The following PHKB variants were observed in gnomAD, a reference collection of about 807,000 sequenced individuals.
PHKB encodes the protein phosphorylase b kinase regulatory subunit beta.
Under a neutral mutation model 152.1 loss-of-function variants are expected in PHKB, and 122 were observed. The observed-to-expected ratio is 0.80, with a 90% confidence interval of 0.69 to 0.93. The LOEUF (loss-of-function observed/expected upper bound fraction) is 0.93, where lower values mean the gene tolerates loss of function less well. Ranked by LOEUF, PHKB falls within the 40% of genes least tolerant of loss-of-function variation. The pLI is 0.00. For synonymous variants in PHKB, 436 were observed against 464.9 expected, an observed-to-expected ratio of 0.94 and a Z score of 0.80; for missense variants, 1,304 against 1,328.4, an observed-to-expected ratio of 0.98 and a Z score of 0.29.
At chr16:47,663,097 G>A (rs1051810126) in intron 23 of PHKB, among the ~76,000 whole-genome samples, 1 of 152,074 alleles carries the variant, frequency 6.6e-6, no homozygotes, top group Non-Finnish European at 1.5e-5. Context: ...AAAGTTTAGA[G>A]TAAAATGTTA....
chr16:47,562,895 A>G (rs1477317983), intron 7 of PHKB, among the ~76,000 whole-genome samples: 1 of 152,180 alleles, frequency 6.6e-6, no homozygotes, highest in African/African-American at 2.4e-5. Flanking sequence ...TAAGTATGTG[A>G]AGCATTCTAA....
intron 14 of PHKB, among the ~76,000 whole-genome samples, chr16:47,634,746 G>A (rs1406563173): frequency 1.2e-4 from 19 of 152,206 alleles, no homozygotes; most frequent in Admixed American, 1.2e-3. Context: ...GGGACAGAGA[G>A]GACCCAGGGT....
chr16:47,660,446 G>A (rs947481157), intron 20 of PHKB, 60 bp from the exon 21 acceptor site: 11 of 1,304,976 alleles, frequency 8.4e-6, no homozygotes, highest in African/African-American at 5.8e-5. Flanking sequence ...ATGCACACAG[G>A]CCATTAGAGT....
intron 26 of PHKB, among the ~76,000 whole-genome samples, chr16:47,683,064 G>A (rs557623280): frequency 6.6e-6 from 1 of 152,310 alleles, no homozygotes; most frequent in South Asian, 2.1e-4. Context: ...CAGCAGCAGT[G>A]GCTGTAGAAC....
At chr16:47,558,919 A>G (rs902306936) in intron 7 of PHKB, among the ~76,000 whole-genome samples, 2 of 152,192 alleles carry the variant, frequency 1.3e-5, no homozygotes, top group South Asian at 2.1e-4. Flanking sequence ...TTTTTATACC[A>G]TTAAAGACAG....
chr16:47,464,111 C>G (rs1969625273), intron 1 of PHKB: 1 of 754,182 alleles, frequency 1.3e-6, no homozygotes, highest in Non-Finnish European at 2.4e-6. Flanking sequence ...GGGCCCAGGC[C>G]TGAGTACCCG....
At chr16:47,670,767 G>C (rs186728075) in intron 26 of PHKB, among the ~76,000 whole-genome samples, 1 of 152,090 alleles carries the variant, frequency 6.6e-6, no homozygotes, top group Non-Finnish European at 1.5e-5. Flanking sequence ...TGGGATTACA[G>C]GTGTGAGCCA....
chr16:47,684,640 G>A (rs538280854), intron 26 of PHKB, among the ~76,000 whole-genome samples: 66 of 152,232 alleles, frequency 4.3e-4, no homozygotes, highest in South Asian at 8.3e-4. Context: ...AGTAGCGGGC[G>A]CCTGTAGTCC....
At chr16:47,484,902 AT>A (rs1970024031) in intron 1 of PHKB, among the ~76,000 whole-genome samples, 1 of 152,220 alleles carries the variant, frequency 6.6e-6, no homozygotes, top group Non-Finnish European at 1.5e-5. Flanking sequence ...ACTATAAAGA[AT>A]AAAAATCACA....
In PHKB at chr16:47,476,340, C is replaced by A. The variant is rs534351528; in HGVS notation, c.76+14914C>A. ...TTGTGGAATCTTTTTATATAAATTT[C>A]TTTCTGTGCCCATTCAGAGATCCTC... is the stretch of plus-strand genomic sequence containing the variant. On this transcript the variant is annotated intron_variant, in intron 1 of 30. Transcript: ENST00000323584. Among the ~76,000 whole-genome samples the A allele has an allele frequency of 1.1e-4, 16 of 152,152 alleles. No homozygotes were observed. The East Asian group carries it at 3.1e-3, about 29-fold the overall frequency.
chr16:47,587,594 TCA>T, intron 8 of PHKB, 72 bp from the exon 9 acceptor site: 2 of 1,080,098 alleles, frequency 1.9e-6, no homozygotes, highest in Non-Finnish European at 2.8e-6. Context: ...TGTGAAGTTT[TCA>T]CAGTCAAAAT....
chr16:47,644,007 T>C (rs1399112269), intron 16 of PHKB, among the ~76,000 whole-genome samples: 2 of 152,124 alleles, frequency 1.3e-5, no homozygotes, highest in Non-Finnish European at 2.9e-5. Context: ...GGGGCAGTGT[T>C]ATATGCACCC....
chr16:47,691,002 T>G (rs1974050263), intron 27 of PHKB, among the ~76,000 whole-genome samples: 1 of 152,098 alleles, frequency 6.6e-6, no homozygotes, highest in African/African-American at 2.4e-5. Context: ...GGAGCGTCCT[T>G]TGAGTCCACG....
chr16:47,593,548 A>C lies in PHKB; in HGVS notation c.1117A>C (p.Met373Leu), dbSNP rs1972067736. 6.7e-7 allele frequency: 1 copy of C among 1,491,894 alleles called. No individual in the cohort carries two copies. The highest frequency in any genetic ancestry group is 1.4e-5 in the African/African-American group (1 of 72,490). 92.4% of individuals were successfully genotyped at this position (1,491,894 alleles called of 1,614,324 possible). Residue 373 changes from methionine to leucine, a missense_variant, in exon 11 of 31, where the codon ATG becomes CTG. Physicochemically the swap from Met to Leu is conservative, Grantham distance 15. Coordinates refer to ENST00000323584, the MANE Select transcript of PHKB (RefSeq NM_000293.3). ...CEFPIFFLYM[M>L]IDGVFRGNPK... ...ATTTCCCATATTTTTCCTTTATATG[A>C]TGATTGATGGTAAGTAAGCTTTTTC...
Position 47,641,053 on chromosome 16 carries a change from T to G in PHKB, c.1477T>G (p.Leu493Val), listed in dbSNP as rs1973010132. The change falls in exon 15 of 31, where the codon TTG becomes GTG. Residue 493 changes from leucine (L) to valine (V), a missense_variant. Leu to Val is a conservative substitution (Grantham distance 32, BLOSUM62 1). Transcript: ENST00000323584. ...FSNQGPLEND[L>V]VVHVALIAES... is the part of the protein sequence containing the mutation. The stretch of plus-strand genomic sequence containing the variant: ...ATTACAGGGCCCACTGGAAAATGAC[T>G]TGGTAGTTCATGTGGCACTTATAGC... 3 of 1,613,968 alleles carry G rather than the reference T, an allele frequency of 1.9e-6. No homozygotes were observed. The African/African-American group carries it at 4.0e-5, about 22-fold the overall frequency.
At position 47,461,376 on chromosome 16, in the gene PHKB, C is replaced by T. The variant is rs201500282; in HGVS notation, c.26C>T (p.Ala9Val). 408 of 1,612,414 alleles carry T rather than the reference C, an allele frequency of 2.5e-4. No individual in the cohort carries two copies. The highest frequency in any genetic ancestry group is 3.4e-4 in the Non-Finnish European group (399 of 1,179,702). MAGAAGLT[A>V]EVSWKVLERR... ...ATGGCGGGGGCGGCGGGACTCACGG[C>T]AGAAGTGAGCTGGAAGGTCTTGGAG... is the stretch of plus-strand genomic sequence containing the variant. The change falls in exon 1 of 31, where the codon GCA (alanine) becomes GTA (valine). Residue 9 changes from alanine (A) to valine (V), a missense_variant. Physicochemically the swap from Ala to Val is moderately conservative, Grantham distance 64. Coordinates refer to ENST00000323584, the MANE Select transcript of PHKB (RefSeq NM_000293.3).
At chr16:47,621,550 T>C (rs895325147) in intron 14 of PHKB, among the ~76,000 whole-genome samples, 3 of 152,186 alleles carry the variant, frequency 2.0e-5, no homozygotes, top group Admixed American at 2.0e-4. Flanking sequence ...TCTCAAATAG[T>C]TTAACCAGTT....
At chr16:47,587,522 T>TACAA (rs1971954735) in intron 8 of PHKB, 146 bp from the exon 9 acceptor site, 2 of 630,888 alleles carry the variant, frequency 3.2e-6, no homozygotes, top group Admixed American at 5.3e-5. Context: ...ATATTGAAAG[T>TACAA]ACAAACAAAA....
chr16:47,514,751 C>T, intron 5 of PHKB, among the ~76,000 whole-genome samples: 1 of 152,316 alleles, frequency 6.6e-6, no homozygotes, highest in African/African-American at 2.4e-5. Flanking sequence ...TGGCACGTAC[C>T]TTTCCTGCTT....
Sources: gnomAD v4.1 joint callset for allele counts (sites outside exome capture counted in the v4.1 genomes callset) on GRCh38, gnomAD v4.1.1 for gene constraint, MANE v1.5 for transcripts, NCBI Gene and HGNC (gene_info 2026-07-23, HGNC 2026-07-21) for gene names.